The following LEPROTL1 variants were observed in gnomAD, a reference collection of about 807,000 sequenced individuals.
The protein encoded by LEPROTL1 is leptin receptor overlapping transcript like 1, also known as leptin receptor overlapping transcript-like 1.
In LEPROTL1, 6 loss-of-function variants were observed where a neutral mutation model predicts 15.4. The ratio of observed to expected loss-of-function variants is 0.39; its 90% CI spans 0.21 to 0.77. The LOEUF (loss-of-function observed/expected upper bound fraction) is 0.77. Ranked by LOEUF, LEPROTL1 falls within the 30% of genes least tolerant of loss-of-function variation. LEPROTL1 has a pLI of 0.41. For synonymous variants in LEPROTL1, 56 were observed against 52.6 expected, an observed-to-expected ratio of 1.06 and a Z score of -0.28; for missense variants, 128 against 158.1, an observed-to-expected ratio of 0.81 and a Z score of 1.02.
chr8:30,127,685 TAC>T (rs71206231), intron 3 of LEPROTL1, among the ~76,000 whole-genome samples: 104,766 of 134,914 alleles, frequency 0.78, 41,518 homozygotes, highest in Non-Finnish European at 0.86. Context: ...AAAAAAAAAA[TAC>T]ACACACACAC....
chr8:30,100,142 A>G (rs1168085307), intron 1 of LEPROTL1, among the ~76,000 whole-genome samples: 1 of 152,212 alleles, frequency 6.6e-6, no homozygotes, highest in African/African-American at 2.4e-5. Flanking sequence ...CATGACCTGC[A>G]TCAGCGATCT....
chr8:30,106,205 G>C lies in LEPROTL1; in HGVS notation c.*343G>C. 1.0e-6 allele frequency: 1 copy of C among 986,518 alleles called. No homozygotes were observed. The highest frequency in any genetic ancestry group is 1.2e-6 in the Non-Finnish European group (1 of 830,406). The allele number at this position is 986,518 out of a possible 1,614,324, so 61.1% of individuals were successfully genotyped here. On this transcript the variant is annotated 3_prime_UTR_variant, in exon 4 of 4. Coordinates refer to ENST00000321250, the MANE Select transcript of LEPROTL1 (RefSeq NM_015344.3). The stretch of plus-strand genomic sequence containing the variant: ...AAACACTTTTTTAATGTAATCATTT[G>C]CATTGGTTAGGAATTCAGAATTCCG...
downstream of LEPROTL1, chr8:30,108,626 G>A (rs1802609670): frequency 6.6e-6 from 1 of 151,592 alleles, no homozygotes; most frequent in South Asian, 2.1e-4. Flanking sequence ...ATGATTTTGG[G>A]GACATTGTCA....
intron 3 of LEPROTL1, among the ~76,000 whole-genome samples, chr8:30,113,845 A>G (rs1054044353): frequency 6.6e-5 from 10 of 152,196 alleles, no homozygotes; most frequent in African/African-American, 2.4e-4. Flanking sequence ...CAGTGCAGGA[A>G]GAAAACAAAT....
chr8:30,095,981 C>A (rs1802357500), intron 1 of LEPROTL1: 4 of 668,290 alleles, frequency 6.0e-6, no homozygotes, highest in South Asian at 3.1e-5. Context: ...CAAGTGCGGT[C>A]TGCGGGCGCT....
In LEPROTL1 at chr8:30,095,467, T is replaced by C. The variant is rs1802343560; in HGVS notation, c.-46T>C. 6 of 1,464,054 alleles carry C rather than the reference T, an allele frequency of 4.1e-6. No homozygotes were observed. Among genetic ancestry groups the C allele is most frequent in the East Asian group, 3.1e-5 (1 of 32,680 alleles). The allele number at this position is 1,464,054 out of a possible 1,614,324, so 90.7% of individuals were successfully genotyped here. Reference sequence around the variant, plus strand: ...TCTTGGGTCTCCCGGCTGCCGCTGCTGCCGCCGCCGCCTCGGGTCGTGGAG... The same window carrying C: ...TCTTGGGTCTCCCGGCTGCCGCTGCCGCCGCCGCCGCCTCGGGTCGTGGAG... On this transcript the variant is annotated 5_prime_UTR_variant, in exon 1 of 4. Coordinates refer to ENST00000321250, the MANE Select transcript of LEPROTL1 (RefSeq NM_015344.3).
intron 3 of LEPROTL1, chr8:30,132,320 C>G: frequency 1.9e-6 from 3 of 1,551,792 alleles, no homozygotes; most frequent in Non-Finnish European, 2.6e-6. Context: ...AGCCATCGAG[C>G]TGTGCTTTGG....
chr8:30,137,485 C>T, exon 5 of LEPROTL1: 1 of 1,551,576 alleles, frequency 6.4e-7, no homozygotes, highest in Non-Finnish European at 8.7e-7. Flanking sequence ...GCTTTGCCCT[C>T]CCTCTCAGGC....
intron 3 of LEPROTL1, among the ~76,000 whole-genome samples, chr8:30,131,177 A>G (rs1282850187): frequency 6.6e-6 from 1 of 151,664 alleles, no homozygotes; most frequent in Non-Finnish European, 1.5e-5. Flanking sequence ...CTGCAGCCTC[A>G]AACTCCTGGG....
intron 3 of LEPROTL1, among the ~76,000 whole-genome samples, chr8:30,114,564 T>C (rs915606267): frequency 3.9e-5 from 6 of 152,166 alleles, no homozygotes; most frequent in Admixed American, 1.3e-4. Context: ...GTGTTGGGAT[T>C]GCAGGCGTGA....
intron 1 of LEPROTL1, among the ~76,000 whole-genome samples, chr8:30,100,108 A>T (rs1352955862): frequency 2.0e-5 from 3 of 152,318 alleles, no homozygotes; most frequent in South Asian, 4.1e-4. Flanking sequence ...GGTATTCAGG[A>T]CTAAGTGATG....
downstream of LEPROTL1, among the ~76,000 whole-genome samples, chr8:30,110,550 A>G (rs1296770683): frequency 6.6e-6 from 1 of 152,120 alleles, no homozygotes; most frequent in Non-Finnish European, 1.5e-5. Flanking sequence ...CCTGGCCAAC[A>G]TAGTGAAACC....
chr8:30,099,156 A>G (rs1802420422), intron 1 of LEPROTL1, among the ~76,000 whole-genome samples: 1 of 152,240 alleles, frequency 6.6e-6, no homozygotes, highest in Non-Finnish European at 1.5e-5. Context: ...CTAGAACGTG[A>G]GAGCAAAAGC....
downstream of LEPROTL1, among the ~76,000 whole-genome samples, chr8:30,112,449 A>G (rs1281056152): frequency 2.6e-5 from 2 of 77,546 alleles, no homozygotes; most frequent in Non-Finnish European, 5.2e-5. Flanking sequence ...TGGTAGGCAC[A>G]GGGTTTCACC....
intron 3 of LEPROTL1, among the ~76,000 whole-genome samples, chr8:30,121,245 T>TTTTTG (rs1802825049): frequency 6.6e-6 from 1 of 151,870 alleles, no homozygotes; most frequent in South Asian, 2.1e-4. Context: ...TTTGTTTTTG[T>TTTTTG]TTTTGTTTTT....
intron 2 of LEPROTL1, among the ~76,000 whole-genome samples, chr8:30,102,652 CAAAA>C (rs199960893): frequency 9.9e-6 from 1 of 101,124 alleles, no homozygotes; most frequent in Admixed American, 1.1e-4. Flanking sequence ...ACTCTGTTTC[CAAAA>C]AAAAAAAAAA....
chr8:30,110,494 GT>G, downstream of LEPROTL1, among the ~76,000 whole-genome samples: 1 of 152,254 alleles, frequency 6.6e-6, no homozygotes, highest in Non-Finnish European at 1.5e-5. Flanking sequence ...GGGAGGCTGG[GT>G]TGGGGGGCGG....
rs1802821934 is a variant in LEPROTL1 at position 30,121,092 on chromosome 8, A to G, written c.280-11283A>G. Among the ~76,000 whole-genome samples, 5 of 152,078 alleles carry G rather than the reference A, an allele frequency of 3.3e-5. No homozygotes were observed. In the South Asian group the frequency reaches 8.3e-4, roughly 25 times the overall value. On this transcript the variant is annotated intron_variant, in intron 3 of 4. Coordinates refer to the LEPROTL1 transcript ENST00000442880. ...TTTGTTCTTCTGGGACTGGTTGATAAGCTGTATATTGTTTACTGATTCCCA... is the reference window on the plus strand; with the variant it reads ...TTTGTTCTTCTGGGACTGGTTGATAGGCTGTATATTGTTTACTGATTCCCA...
chr8:30,135,212 G>T (rs1382674849), intron 4 of LEPROTL1, among the ~76,000 whole-genome samples: 2 of 152,144 alleles, frequency 1.3e-5, no homozygotes, highest in African/African-American at 2.4e-5. Flanking sequence ...CTTTTAGGGA[G>T]ACTCTTCCTA....
Sources: allele counts gnomAD v4.1 joint callset (sites outside exome capture counted in the v4.1 genomes callset), GRCh38; gene constraint gnomAD v4.1.1; transcripts MANE v1.5; gene names NCBI Gene and HGNC (gene_info 2026-07-23, HGNC 2026-07-21).